The following STK40 variants were observed in gnomAD, a reference collection of about 807,000 sequenced individuals.
The protein encoded by STK40 is serine/threonine kinase 40, also known as serine/threonine-protein kinase 40.
In STK40, 13 loss-of-function variants were observed where a neutral mutation model predicts 47.9. That is an observed-to-expected ratio of 0.27 (90% CI 0.18 to 0.43). The LOEUF (loss-of-function observed/expected upper bound fraction) is 0.43. STK40 is among the 20% of genes least tolerant of loss of function. The pLI is 1.00. For synonymous variants in STK40, 225 were observed against 243.2 expected, an observed-to-expected ratio of 0.93 and a Z score of 0.69; for missense variants, 460 against 595.1, an observed-to-expected ratio of 0.77 and a Z score of 2.36.
rs759593248 is a variant in STK40, at chr1:36,341,858, C to T, written c.1205G>A (p.Arg402Gln). The T allele has an allele frequency of 1.5e-5, 24 of 1,613,778 alleles. No individual in the cohort carries two copies. The highest frequency in any genetic ancestry group is 5.5e-5 in the South Asian group (5 of 91,082). The change falls in exon 11 of 11, where the codon CGG (arginine) becomes CAG (glutamine). Residue 402 changes from arginine to glutamine, a missense_variant. Arg to Gln is a conservative substitution (Grantham distance 43). Transcript: ENST00000373132. ...IHDARSWVPK[R>Q]QFGSAPPVRR... ...CACCGGTGGTGCGCTGCCGAACTGC[C>T]GCTTGGGTACCCAGCTCCGGGCGTC...
intron 6 of STK40, among the ~76,000 whole-genome samples, chr1:36,351,944 G>A (rs1403840656): frequency 1.3e-5 from 2 of 152,232 alleles, no homozygotes; most frequent in Non-Finnish European, 2.9e-5. Flanking sequence ...TCTGCAGCCA[G>A]ATGGATTTAG....
intron 2 of STK40, among the ~76,000 whole-genome samples, chr1:36,359,365 C>T (rs949174526): frequency 6.6e-6 from 1 of 152,168 alleles, no homozygotes; most frequent in Non-Finnish European, 1.5e-5. Context: ...GTGTTTGTGC[C>T]ACTGCACTCC....
rs145046825 is a variant in STK40 at position 36,376,518 on chromosome 1, C to T, written c.-9+9205G>A. On this transcript the variant is annotated intron_variant, in intron 1 of 10. Transcript: ENST00000373132. The stretch of plus-strand genomic sequence containing the variant: ...CTCAACAAAAGTCCCTATAGAGCCA[C>T]GTGTAGCAGCAAAAAACAAAACCAT... Among the ~76,000 whole-genome samples, 765 of 152,304 alleles carry T rather than the reference C, an allele frequency of 5.0e-3. 2 individuals are homozygous for T. Among genetic ancestry groups the T allele is most frequent in the Non-Finnish European group, 7.6e-3 (516 of 68,034 alleles).
chr1:36,341,788 C>T lies in STK40; in HGVS notation c.1275G>A (p.Thr425=), dbSNP rs747840660. 20 of 1,612,316 alleles carry T rather than the reference C, an allele frequency of 1.2e-5. No homozygotes were observed. The highest frequency in any genetic ancestry group is 2.7e-5 in the African/African-American group (2 of 74,896). Residue 425 remains threonine (T), a synonymous_variant, in exon 11 of 11, where the codon ACG becomes ACA. Transcript: ENST00000373132. ...HDAQPMTSLD[T]AILAQRYLRK is the part of the protein sequence containing the mutation. ...GCAGGTAGCGCTGCGCCAGGATGGC[C>T]GTGTCCAAGGAGGTCATGGGCTGTG... is the stretch of plus-strand genomic sequence containing the variant.
Position 36,358,816 on chromosome 1 carries a change from C to G in STK40, c.119G>C (p.Arg40Pro). Reference protein sequence around the residue: ...KRAGPFILGPRLGNSPVPSIV... With the variant: ...KRAGPFILGPPLGNSPVPSIV... ...GCTTGGCACCGGTGAGTTGCCCAGA[C>G]GGGGACCTACGGCACAGAGAGCTGC... The change falls in exon 3 of 11, where the codon CGT becomes CCT. Residue 40 changes from arginine to proline, a missense_variant. This residue lies in a region of STK40 where 277 missense variants were observed against 358.7 expected (regional missense o/e 0.77). Coordinates refer to ENST00000373132, the MANE Select transcript of STK40 (RefSeq NM_001282547.2). 6.2e-7 allele frequency: 1 copy of G among 1,614,128 alleles called. No homozygotes were observed. The highest frequency in any genetic ancestry group is 8.5e-7 in the Non-Finnish European group (1 of 1,180,012).
chr1:36,343,144 T>C, intron 10 of STK40: 1 of 680,604 alleles, frequency 1.5e-6, no homozygotes, highest in South Asian at 1.6e-5. Context: ...GTCTCACAGG[T>C]CTCTCTGGCC....
intron 1 of STK40, among the ~76,000 whole-genome samples, chr1:36,372,423 CAA>C (rs796595993): frequency 9.4e-3 from 370 of 39,566 alleles, no homozygotes; most frequent in African/African-American, 0.026. Context: ...GACCTTGTCT[CAA>C]AAAAAAAAAA....
chr1:36,351,018 G>C (rs560612897), intron 6 of STK40, among the ~76,000 whole-genome samples: 14 of 152,358 alleles, frequency 9.2e-5, no homozygotes, highest in Admixed American at 8.5e-4. Context: ...CTGACAGGAG[G>C]GGGCAATGGC....
chr1:36,357,817 T>G (rs571527049), intron 4 of STK40, among the ~76,000 whole-genome samples: 2 of 152,110 alleles, frequency 1.3e-5, no homozygotes, highest in East Asian at 1.9e-4. Flanking sequence ...GGGTTTCACC[T>G]TGTTGGCCAG....
rs930372482 is a variant in STK40, at chr1:36,385,489, C to T, written c.-9+234G>A. ...TGGCAGTGCCCACTTCCCAGAGCTG[C>T]GGCGGGGACTGAAGCTCCCGCGGCC... On this transcript the variant is annotated intron_variant, in intron 1 of 10. Coordinates refer to ENST00000373132, the MANE Select transcript of STK40 (RefSeq NM_001282547.2). 6.6e-5 allele frequency among the ~76,000 whole-genome samples: 10 copies of T among 152,352 alleles called. No homozygotes were observed. In the East Asian group the frequency reaches 1.9e-3, roughly 29 times the overall value.
At chr1:36,353,468 T>C (rs1411852226) in intron 6 of STK40, among the ~76,000 whole-genome samples, 2 of 152,126 alleles carry the variant, frequency 1.3e-5, no homozygotes, top group Non-Finnish European at 2.9e-5. Flanking sequence ...GTGCTTGGTG[T>C]CCCTCTGCTG....
chr1:36,381,426 C>T (rs1647038211), intron 1 of STK40, among the ~76,000 whole-genome samples: 2 of 152,284 alleles, frequency 1.3e-5, no homozygotes, highest in Non-Finnish European at 1.5e-5. Context: ...GGCTGCTCCC[C>T]CTGCCTGGAG....
At position 36,341,406 on chromosome 1, in the gene STK40, G is replaced by T. The variant is rs138422190; in HGVS notation, c.*349C>A. The T allele has an allele frequency of 3.0e-4, 70 of 236,696 alleles. No homozygotes were observed. Among genetic ancestry groups the T allele is most frequent in the African/African-American group, 1.3e-3 (58 of 44,224 alleles). 14.7% of individuals were successfully genotyped at this position (236,696 alleles called of 1,614,324 possible). On this transcript the variant is annotated 3_prime_UTR_variant, in exon 11 of 11. Coordinates refer to ENST00000373132, the MANE Select transcript of STK40 (RefSeq NM_001282547.2). The stretch of plus-strand genomic sequence containing the variant: ...GAGCAGCGCCCCAGGTCAGTTGGTG[G>T]CCGCTGGGGAAGGCCCTGGAGTGGG...
rs932116198 is a variant in STK40 at position 36,340,715 on chromosome 1, G to A, written c.*1040C>T. 2.0e-5 allele frequency: 3 copies of A among 152,644 alleles called. No individual in the cohort carries two copies. Among genetic ancestry groups the A allele is most frequent in the African/African-American group, 7.2e-5 (3 of 41,440 alleles). The allele number at this position is 152,644 out of a possible 1,614,324, so 9.5% of individuals were successfully genotyped here. ...CTCCTGAGTCCCTCACCACCATGGA[G>A]GACCCTTGCTAGGGTCTACCGGGAG... On this transcript the variant is annotated 3_prime_UTR_variant, in exon 11 of 11. Coordinates refer to ENST00000373132, the MANE Select transcript of STK40 (RefSeq NM_001282547.2).
At chr1:36,377,659 T>C (rs530079195) in intron 1 of STK40, among the ~76,000 whole-genome samples, 140 of 152,028 alleles carry the variant, frequency 9.2e-4, no homozygotes, top group Non-Finnish European at 1.5e-3. Context: ...TGTGTGAGCT[T>C]GTGTGCCAAT....
At chr1:36,379,142 C>T (rs1162144021) in intron 1 of STK40, among the ~76,000 whole-genome samples, 1 of 152,244 alleles carries the variant, frequency 6.6e-6, no homozygotes, top group Non-Finnish European at 1.5e-5. Flanking sequence ...ACCCTTGCAT[C>T]CAGACTTCCT....
At chr1:36,367,899 C>G in intron 1 of STK40, 7 of 985,490 alleles carry the variant, frequency 7.1e-6, no homozygotes, top group Non-Finnish European at 8.4e-6. Context: ...CGCCAGCCTC[C>G]CTGAATGGGT....
intron 4 of STK40, among the ~76,000 whole-genome samples, chr1:36,357,540 G>A (rs1646815219): frequency 6.6e-6 from 1 of 152,066 alleles, no homozygotes; most frequent in Admixed American, 6.6e-5. Flanking sequence ...TAAGGGATCT[G>A]ACCACCTGTT....
At chr1:36,350,005 C>T (rs1369308764) in intron 6 of STK40, among the ~76,000 whole-genome samples, 1 of 152,100 alleles carries the variant, frequency 6.6e-6, no homozygotes, top group Non-Finnish European at 1.5e-5. Context: ...TGGCTGCTGG[C>T]GGATTTCCCC....
Sources: gnomAD v4.1 joint callset for allele counts (sites outside exome capture counted in the v4.1 genomes callset) on GRCh38, gnomAD v4.1.1 for gene constraint, gnomAD v4.1.1 regional missense constraint, MANE v1.5 for transcripts, NCBI Gene and HGNC (gene_info 2026-07-23, HGNC 2026-07-21) for gene names.